Variants in PLEKHM2 observed in about 807,000 individuals in gnomAD.
The protein encoded by PLEKHM2 is pleckstrin homology and RUN domain containing M2, also known as pleckstrin homology domain-containing family M member 2.
PLEKHM2 carries 77 observed loss-of-function variants against 116.3 expected under a neutral mutation model. That is an observed-to-expected ratio of 0.66 (90% CI 0.55 to 0.80). The LOEUF (loss-of-function observed/expected upper bound fraction) is 0.80. Among genes scored for constraint, PLEKHM2 ranks in the 30% least tolerant of loss-of-function variants. The pLI is 0.00. For missense variants in PLEKHM2, 1,183 were observed against 1,354.9 expected, an observed-to-expected ratio of 0.87 and a Z score of 1.99; for synonymous variants, 562 against 571.0, an observed-to-expected ratio of 0.98 and a Z score of 0.22.
intron 1 of PLEKHM2, among the ~76,000 whole-genome samples, chr1:15,710,059 C>T (rs1641300112): frequency 6.6e-6 from 1 of 151,408 alleles, no homozygotes; most frequent in African/African-American, 2.4e-5. Flanking sequence ...CCCATCTCCA[C>T]TAAAAAAAAT....
chr1:15,689,523 G>A (rs1322632236), intron 1 of PLEKHM2, among the ~76,000 whole-genome samples: 1 of 152,222 alleles, frequency 6.6e-6, no homozygotes, highest in East Asian at 1.9e-4. Flanking sequence ...GTCTGGGTTT[G>A]TAACTGACCA....
chr1:15,698,529 TTTTCTTTC>T (rs1343574961), intron 1 of PLEKHM2, among the ~76,000 whole-genome samples: 128 of 146,718 alleles, frequency 8.7e-4, no homozygotes, highest in African/African-American at 2.4e-3. Flanking sequence ...TTTTCTTTCT[TTTTCTTTC>T]TTTCTTTCTT....
In PLEKHM2 at chr1:15,730,570, C is replaced by T. The variant is rs897265600; in HGVS notation, c.2247C>T (p.His749=). The change falls in exon 15 of 20, where the codon CAC becomes CAT. Residue 749 remains histidine, a synonymous_variant. Coordinates refer to ENST00000375799, the MANE Select transcript of PLEKHM2 (RefSeq NM_015164.4). ...AVTVRFYGLV[H]WEDPTDESLG... ...CCGTGCGCTTCTACGGCCTTGTGCA[C>T]TGGGAGGACCCCACAGACGAGTCCC... The T allele has an allele frequency of 1.2e-6, 2 of 1,603,254 alleles. No individual in the cohort carries two copies.
intron 1 of PLEKHM2, among the ~76,000 whole-genome samples, chr1:15,707,719 A>G (rs1181234111): frequency 6.6e-6 from 1 of 152,150 alleles, no homozygotes; most frequent in Non-Finnish European, 1.5e-5. Context: ...AACTGACAAG[A>G]CACATCCTCA....
intron 1 of PLEKHM2, among the ~76,000 whole-genome samples, chr1:15,707,929 G>A (rs1641257300): frequency 6.6e-6 from 1 of 152,156 alleles, no homozygotes; most frequent in Non-Finnish European, 1.5e-5. Context: ...TTGTCGCCTA[G>A]GCTGGAGTGC....
upstream of PLEKHM2, among the ~76,000 whole-genome samples, chr1:15,682,050 A>T (rs1225212929): frequency 6.6e-6 from 1 of 151,580 alleles, no homozygotes. Flanking sequence ...ACAAAAAATA[A>T]AATTCGCTGG....
chr1:15,719,591 C>A lies in PLEKHM2; in HGVS notation c.466-143C>A. 1 of 584,722 alleles carries A rather than the reference C, an allele frequency of 1.7e-6. No individual in the cohort carries two copies. The allele number at this position is 584,722 out of a possible 1,614,324, so 36.2% of individuals were successfully genotyped here. A position where few individuals can be genotyped will look rare whatever the true frequency, so the allele number is the denominator to read the frequency against. On this transcript the variant is annotated intron_variant, in intron 5 of 19. Transcript: ENST00000375799. The surrounding 1 kb of genome is among the most constrained non-coding windows in gnomAD (Gnocchi z 4.1). ...ACACTATTCACATTGCTCTTCTTAG[C>A]AGCTTTTCTTTGAATTTACTACCTT...
intron 1 of PLEKHM2, among the ~76,000 whole-genome samples, chr1:15,690,948 A>G (rs994378653): frequency 6.6e-6 from 1 of 152,256 alleles, no homozygotes; most frequent in African/African-American, 2.4e-5. Flanking sequence ...CATTAAAGCA[A>G]TGTGATAAAG....
At chr1:15,713,521 A>G (rs1641376970) in intron 1 of PLEKHM2, among the ~76,000 whole-genome samples, 1 of 152,198 alleles carries the variant, frequency 6.6e-6, no homozygotes, top group African/African-American at 2.4e-5. Context: ...ACTAAAAACC[A>G]TATTGAGGGA....
chr1:15,712,144 T>C (rs1270691109), intron 1 of PLEKHM2, among the ~76,000 whole-genome samples: 6 of 143,376 alleles, frequency 4.2e-5, no homozygotes, highest in African/African-American at 1.6e-4. Flanking sequence ...AAAAAAGAGC[T>C]GCAACAAATA....
chr1:15,714,801 T>C (rs1641411248), intron 1 of PLEKHM2, among the ~76,000 whole-genome samples: 1 of 152,228 alleles, frequency 6.6e-6, no homozygotes, highest in African/African-American at 2.4e-5. Context: ...TGTGTTCCAC[T>C]CCCTTCTGGC....
chr1:15,686,583 C>T (rs927947295), intron 1 of PLEKHM2, among the ~76,000 whole-genome samples: 8 of 151,388 alleles, frequency 5.3e-5, no homozygotes, highest in African/African-American at 1.5e-4. Flanking sequence ...CAGGTTCAAG[C>T]GATTCTTCTG....
chr1:15,689,808 G>A (rs1640851861), intron 1 of PLEKHM2, among the ~76,000 whole-genome samples: 1 of 152,210 alleles, frequency 6.6e-6, no homozygotes, highest in South Asian at 2.1e-4. Flanking sequence ...CCAGGCTGGA[G>A]TGCAGTGGCA....
In PLEKHM2 at chr1:15,734,105, A is replaced by T. The variant is rs1030187988; in HGVS notation, c.*171A>T. The T allele has an allele frequency of 1.4e-6, 1 of 717,076 alleles. No individual in the cohort carries two copies. The highest frequency in any genetic ancestry group is 1.8e-5 in the African/African-American group (1 of 55,106). The allele number at this position is 717,076 out of a possible 1,614,324, so 44.4% of individuals were successfully genotyped here. A position where few individuals can be genotyped will look rare whatever the true frequency, so the allele number is the denominator to read the frequency against. ...GGGTCCCTCCACTCCAGGGATCCAG[A>T]TCAGGTGCCCGGCACCCCTGGGCAT... is the stretch of plus-strand genomic sequence containing the variant. On this transcript the variant is annotated 3_prime_UTR_variant, in exon 20 of 20. Coordinates refer to ENST00000375799, the MANE Select transcript of PLEKHM2 (RefSeq NM_015164.4).
intron 1 of PLEKHM2, among the ~76,000 whole-genome samples, chr1:15,697,409 C>T (rs943811147): frequency 2.0e-5 from 3 of 152,210 alleles, no homozygotes; most frequent in African/African-American, 7.2e-5. Flanking sequence ...GAAGTCAATC[C>T]CTGTGCTGAG....
At position 15,732,065 on chromosome 1, in the gene PLEKHM2, C is replaced by G. The variant is rs1183483842; in HGVS notation, c.2625+17C>G. The G allele has an allele frequency of 1.2e-6, 2 of 1,605,478 alleles. No homozygotes were observed. On this transcript the variant is annotated intron_variant, in intron 17 of 19. Transcript: ENST00000375799. ...TCCAAAGGGGTGAGCTTCGCCTGCC[C>G]CTACCGCTCACCTGGCTTGCCTGAC...
At chr1:15,718,745 C>A in intron 5 of PLEKHM2, 120 bp downstream of exon 5, 1 of 663,466 alleles carries the variant, frequency 1.5e-6, no homozygotes, top group South Asian at 1.7e-5. Context: ...TATGACTGGG[C>A]TTGAGCAAAA....
At position 15,699,404 on chromosome 1, in the gene PLEKHM2, C is replaced by T. The variant is rs570491787; in HGVS notation, c.60+14786C>T. Among the ~76,000 whole-genome samples the T allele has an allele frequency of 2.6e-5, 4 of 152,276 alleles. No individual in the cohort carries two copies. The South Asian group carries it at 8.3e-4, about 32-fold the overall frequency. ...TCCCCGCCCCGTGTCCAAGTGTTCT[C>T]ATTGTTCAGTTCCCACCTATGAAGG... On this transcript the variant is annotated intron_variant, in intron 1 of 19. Coordinates refer to ENST00000375799, the MANE Select transcript of PLEKHM2 (RefSeq NM_015164.4).
At chr1:15,692,471 G>C (rs577198360) in intron 1 of PLEKHM2, among the ~76,000 whole-genome samples, 2 of 152,296 alleles carry the variant, frequency 1.3e-5, no homozygotes, top group East Asian at 1.9e-4. Flanking sequence ...GGACCTGAAG[G>C]TCCCTAACCC....
Sources: gnomAD v4.1 joint callset for allele counts (sites outside exome capture counted in the v4.1 genomes callset) on GRCh38, gnomAD v4.1.1 for gene constraint, Gnocchi (gnomAD v3.1) non-coding constraint, MANE v1.5 for transcripts, NCBI Gene and HGNC (gene_info 2026-07-23, HGNC 2026-07-21) for gene names.